KLHL32: variants seen among roughly 807,000 people sequenced by gnomAD.
KLHL32 encodes the protein kelch-like protein 32.
In KLHL32, 35 loss-of-function variants were observed where a neutral mutation model predicts 64.8. That is an observed-to-expected ratio of 0.54 (90% confidence interval 0.41 to 0.72). KLHL32 has a LOEUF of 0.72. Among genes scored for constraint, KLHL32 ranks in the 30% least tolerant of loss-of-function variants. The probability of loss-of-function intolerance (pLI) is 0.00; values close to 1 mark genes in which losing one functional copy is unlikely to be tolerated. For missense variants in KLHL32, 589 were observed against 768.5 expected (o/e 0.77, Z 2.76); for synonymous variants, 259 against 281.0 (o/e 0.92, Z 0.78).
At chr6:96,987,167 G>C (rs928056158) in intron 3 of KLHL32, among the ~76,000 whole-genome samples, 8 of 152,120 alleles carry the variant, frequency 5.3e-5, no homozygotes, top group African/African-American at 1.9e-4. Flanking sequence ...CCAGCTCCTG[G>C]ATTCATTGAT....
chr6:96,989,128 A>G (rs1447550851), intron 3 of KLHL32, among the ~76,000 whole-genome samples: 1 of 152,080 alleles, frequency 6.6e-6, no homozygotes, highest in African/African-American at 2.4e-5. Flanking sequence ...ACATGTGTGG[A>G]TTTTCCTTTC....
At chr6:97,113,602 C>T (rs529677970) in intron 6 of KLHL32, among the ~76,000 whole-genome samples, 181 bp from the exon 7 acceptor site, 1 of 152,252 alleles carries the variant, frequency 6.6e-6, no homozygotes, top group African/African-American at 2.4e-5. Flanking sequence ...GCTTTTGTGT[C>T]TTTGCTGAGA....
At chr6:96,944,794 C>G (rs1771736033) in intron 1 of KLHL32, among the ~76,000 whole-genome samples, 1 of 152,146 alleles carries the variant, frequency 6.6e-6, no homozygotes, top group Admixed American at 6.5e-5. Context: ...TACACCATAG[C>G]CTTGCTGTAC....
At chr6:96,932,276 C>G (rs1770003282) in intron 1 of KLHL32, among the ~76,000 whole-genome samples, 1 of 138,092 alleles carries the variant, frequency 7.2e-6, no homozygotes. Context: ...TCCATGAAAA[C>G]ATTAATTACC....
At position 97,098,120 on chromosome 6, in the gene KLHL32, A is replaced by G. The variant is rs144394948; in HGVS notation, c.627+12779A>G. Among the ~76,000 whole-genome samples the G allele has an allele frequency of 2.3e-3, 355 of 152,296 alleles. 6 individuals are homozygous for G. Among genetic ancestry groups the G allele is most frequent in the African/African-American group, 7.7e-3 (321 of 41,572 alleles). ...AAATCCAGCACCTAATCTTGCAGCT[A>G]TTTGAAGTATAGGCTAAAAACGATA... On this transcript the variant is annotated intron_variant, in intron 6 of 10. Transcript: ENST00000369261.
At chr6:96,999,489 T>A (rs1371951293) in intron 3 of KLHL32, 1 of 909,420 alleles carries the variant, frequency 1.1e-6, no homozygotes, top group East Asian at 1.2e-4. Flanking sequence ...ATTGTACTCA[T>A]CTGTTTTCAC....
chr6:96,912,831 C>T, the KLHL32 span, among the ~76,000 whole-genome samples: 7 of 152,270 alleles, frequency 4.6e-5, no homozygotes, highest in Non-Finnish European at 8.8e-5. Context: ...AGTTCCTCTG[C>T]ATTGTAATTG....
At chr6:97,004,565 G>A (rs556553426) in intron 3 of KLHL32, among the ~76,000 whole-genome samples, 15 of 152,256 alleles carry the variant, frequency 9.9e-5, no homozygotes, top group Non-Finnish European at 1.6e-4. Flanking sequence ...CGTTCTCAAG[G>A]GGAATGCTTC....
upstream of KLHL32, among the ~76,000 whole-genome samples, chr6:96,921,347 T>C (rs1290064400): frequency 6.6e-6 from 1 of 152,192 alleles, no homozygotes; most frequent in Non-Finnish European, 1.5e-5. Flanking sequence ...AGTTTAACAG[T>C]AAAAAGTTTC....
the KLHL32 span, among the ~76,000 whole-genome samples, chr6:96,915,644 TCCA>T: frequency 1.1e-5 from 1 of 91,640 alleles, no homozygotes; most frequent in Non-Finnish European, 2.3e-5. Context: ...TAAGTTTCTA[TCCA>T]TGGAGTAAAA....
chr6:97,017,077 A>T (rs1309838060), intron 3 of KLHL32, among the ~76,000 whole-genome samples: 1 of 152,190 alleles, frequency 6.6e-6, no homozygotes, highest in Admixed American at 6.5e-5. Context: ...GTGAAAATGG[A>T]CTAAATACAG....
At chr6:97,056,902 G>T (rs1018886762) in intron 4 of KLHL32, among the ~76,000 whole-genome samples, 1 of 152,042 alleles carries the variant, frequency 6.6e-6, no homozygotes, top group Non-Finnish European at 1.5e-5. Context: ...AGTTTATTTC[G>T]CAACTACTCA....
rs1401881988 is a variant in KLHL32, at chr6:97,064,854, T to C, written c.411+128T>C. On this transcript the variant is annotated intron_variant, in intron 5 of 10. Coordinates refer to ENST00000369261, the MANE Select transcript of KLHL32 (RefSeq NM_052904.4). ...TGGGGTGTGGGCTGTGGTAGTAGAG[T>C]TTCTCCAGGACACAAGCTGAGAAGT... The C allele has an allele frequency of 5.7e-6, 4 of 702,784 alleles. No homozygotes were observed. In the Admixed American group the frequency reaches 1.1e-4, roughly 19 times the overall value. 43.5% of individuals were successfully genotyped at this position (702,784 alleles called of 1,614,324 possible).
chr6:96,919,790 C>T (rs1026669629), upstream of KLHL32, among the ~76,000 whole-genome samples: 3 of 152,164 alleles, frequency 2.0e-5, no homozygotes, highest in Admixed American at 1.3e-4. Context: ...CATCATCCCC[C>T]TTTTCAGAGA....
chr6:96,902,772 T>G, the KLHL32 span, among the ~76,000 whole-genome samples: 1 of 152,300 alleles, frequency 6.6e-6, no homozygotes, highest in Admixed American at 6.5e-5. Flanking sequence ...GTGTATGGTG[T>G]AAGGAAGGGG....
chr6:97,003,341 G>T (rs1779269381), intron 3 of KLHL32, among the ~76,000 whole-genome samples: 1 of 145,584 alleles, frequency 6.9e-6, no homozygotes, highest in Non-Finnish European at 1.5e-5. Flanking sequence ...TTTTTAATGG[G>T]GTTATTTGTT....
At chr6:97,092,155 A>ATT (rs560956270) in intron 6 of KLHL32, among the ~76,000 whole-genome samples, 89 of 151,850 alleles carry the variant, frequency 5.9e-4, no homozygotes, top group Non-Finnish European at 9.7e-4. Flanking sequence ...CACCTGGCTA[A>ATT]TTTTTTTGTA....
In KLHL32 at chr6:96,982,523, A is replaced by T. The variant is rs113156826; in HGVS notation, c.204+6346A>T. On this transcript the variant is annotated intron_variant, in intron 3 of 10. Transcript: ENST00000369261. ...CAAACTTGCCACTCTCTGCCTTTTA[A>T]TTGGGGCATTTAGTTCATTTGCATT... Among the ~76,000 whole-genome samples the T allele has an allele frequency of 9.1e-3, 1,382 of 152,196 alleles. 25 individuals are homozygous for T. The highest frequency in any genetic ancestry group is 0.032 in the African/African-American group (1,328 of 41,516).
At position 97,105,583 on chromosome 6, in the gene KLHL32, G is replaced by A. The variant is rs2128202629; in HGVS notation, c.628-8200G>A. 6.6e-6 allele frequency: 3 copies of A among 457,894 alleles called. No homozygotes were observed. The Admixed American group carries it at 7.5e-5, about 11-fold the overall frequency. The allele number at this position is 457,894 out of a possible 1,614,324, so 28.4% of individuals were successfully genotyped here. ...TTCTGCAAAGAGAAGGGCTCCGTGT[G>A]CACCTTCAGCAGAGCTATCTGCAAC... is the stretch of plus-strand genomic sequence containing the variant. On this transcript the variant is annotated intron_variant, in intron 6 of 10. Coordinates refer to ENST00000369261, the MANE Select transcript of KLHL32 (RefSeq NM_052904.4).
Sources: gnomAD v4.1 joint callset for allele counts (sites outside exome capture counted in the v4.1 genomes callset) on GRCh38, gnomAD v4.1.1 for gene constraint, MANE v1.5 for transcripts, NCBI Gene and HGNC (gene_info 2026-07-23, HGNC 2026-07-21) for gene names.